The following PALD1 variants were observed in gnomAD, a reference collection of about 807,000 sequenced individuals.
PALD1 encodes the protein phosphatase domain containing paladin 1, also known as paladin.
PALD1 carries 57 observed loss-of-function variants against 96.0 expected under a neutral mutation model. The ratio of observed to expected loss-of-function variants is 0.59; its 90% confidence interval spans 0.48 to 0.74. The LOEUF is 0.74. PALD1 is among the 30% of genes least tolerant of loss of function. The probability of loss-of-function intolerance (pLI) is 0.00; values close to 1 mark genes in which losing one functional copy is unlikely to be tolerated. For missense variants in PALD1, 1,063 were observed against 1,143.7 expected, an observed-to-expected ratio of 0.93 and a Z score of 1.02; for synonymous variants, 464 against 473.6, an observed-to-expected ratio of 0.98 and a Z score of 0.26.
chr10:70,460,872 G>A, the PALD1 span, among the ~76,000 whole-genome samples: 9 of 152,140 alleles, frequency 5.9e-5, no homozygotes, highest in African/African-American at 7.2e-5. Context: ...CCTGGCCAAC[G>A]TGGAGAACCC....
At chr10:70,511,879 T>C (rs1398720787) in intron 1 of PALD1, among the ~76,000 whole-genome samples, 1 of 152,016 alleles carries the variant, frequency 6.6e-6, no homozygotes, top group Non-Finnish European at 1.5e-5. Context: ...ATACAAAAAT[T>C]AGCCGGGTGT....
In PALD1 at chr10:70,519,010, A is replaced by G. The variant is rs552247980; in HGVS notation, c.-29-6913A>G. Among the ~76,000 whole-genome samples, 6 of 152,340 alleles carry G rather than the reference A, an allele frequency of 3.9e-5. No individual in the cohort carries two copies. In the East Asian group the frequency reaches 7.7e-4, roughly 20 times the overall value. On this transcript the variant is annotated intron_variant, in intron 1 of 19. Transcript: ENST00000263563. ...CTGGAGAAAGGAGCCCTGAGTCCCA[A>G]TTCTGTCCTTGTGGCCACTTGCTGT...
chr10:70,475,697 T>A (rs773292640), upstream of PALD1, among the ~76,000 whole-genome samples: 2 of 152,156 alleles, frequency 1.3e-5, no homozygotes, highest in Non-Finnish European at 2.9e-5. Context: ...TTGGCTTGAG[T>A]GTTCCCTGGA....
intron 1 of PALD1, among the ~76,000 whole-genome samples, chr10:70,524,075 T>TG (rs1388660310): frequency 6.6e-6 from 1 of 152,084 alleles, no homozygotes; most frequent in Non-Finnish European, 1.5e-5. Context: ...ATGGGAGGGC[T>TG]GGGGGGAGTG....
intron 17 of PALD1, among the ~76,000 whole-genome samples, chr10:70,546,559 GT>G (rs1307505091): frequency 2.0e-5 from 3 of 152,198 alleles, no homozygotes; most frequent in Admixed American, 2.0e-4. Context: ...GAAAATCTGT[GT>G]AGTGTGCAAG....
At chr10:70,514,020 C>T (rs961884860) in intron 1 of PALD1, among the ~76,000 whole-genome samples, 3 of 152,234 alleles carry the variant, frequency 2.0e-5, no homozygotes, top group African/African-American at 7.2e-5. Flanking sequence ...GGGACTTCCC[C>T]ATCCCTCCAC....
At position 70,532,995 on chromosome 10, in the gene PALD1, G is replaced by T; in HGVS notation, c.795G>T (p.Arg265Ser). Reference sequence around the variant, plus strand: ...ATGGCTGCTCTCCCTCACCTGGCAGGTACCACCGCCTGCCCCTGCCCGAGC... The same window carrying T: ...ATGGCTGCTCTCCCTCACCTGGCAGTTACCACCGCCTGCCCCTGCCCGAGC... ...KRPLFLQPTY[R>S]YHRLPLPEQG... The change falls in exon 7 of 20, where the codon AGG (arginine) becomes AGT (serine). Residue 265 changes from arginine to serine, a missense_variant and splice_region_variant. Physicochemically the swap from Arg to Ser is moderately radical, Grantham distance 110. Transcript: ENST00000263563. 6.3e-7 allele frequency: 1 copy of T among 1,576,258 alleles called. No homozygotes were observed. Among genetic ancestry groups the T allele is most frequent in the East Asian group, 2.3e-5 (1 of 42,782 alleles).
intron 16 of PALD1, 59 bp downstream of exon 16, chr10:70,541,301 G>A (rs1316028673): frequency 4.5e-6 from 7 of 1,562,430 alleles, no homozygotes; most frequent in Non-Finnish European, 6.1e-6. Context: ...AGACACTCAG[G>A]TCCCAGGCAC....
intron 1 of PALD1, among the ~76,000 whole-genome samples, chr10:70,513,253 G>C (rs1318707385): frequency 6.6e-6 from 1 of 152,178 alleles, no homozygotes. Flanking sequence ...TCACCACTTT[G>C]GGAGGCCGAG....
Position 70,478,782 on chromosome 10 carries a change from G to C in PALD1, c.-307G>C, listed in dbSNP as rs1179621555. 1.3e-5 allele frequency: 2 copies of C among 151,560 alleles called. No individual in the cohort carries two copies. The highest frequency in any genetic ancestry group is 1.3e-4 in the Admixed American group (2 of 15,202). The allele number at this position is 151,560 out of a possible 1,614,324, so 9.4% of individuals were successfully genotyped here. ...TCCGCCCCTCGGCGTTGGGTAGCGG[G>C]GCGCTGGGGAGCAGCGCGGCGCGCA... On this transcript the variant is annotated 5_prime_UTR_variant, in exon 1 of 20. Coordinates refer to ENST00000263563, the MANE Select transcript of PALD1 (RefSeq NM_014431.3).
chr10:70,559,690 T>A (rs551552257), intron 18 of PALD1, among the ~76,000 whole-genome samples: 1 of 152,250 alleles, frequency 6.6e-6, no homozygotes, highest in Admixed American at 6.5e-5. Context: ...TCCCGGGTTC[T>A]GGCCTGTGTA....
intron 3 of PALD1, among the ~76,000 whole-genome samples, 153 bp downstream of exon 3, chr10:70,529,484 C>T (rs1051758452): frequency 1.3e-5 from 2 of 151,938 alleles, no homozygotes; most frequent in African/African-American, 2.4e-5. Context: ...GAGCTAGCAC[C>T]GTGATCCTCT....
Position 70,533,090 on chromosome 10 carries a change from G to C in PALD1, c.870+20G>C. The C allele has an allele frequency of 6.4e-7, 1 of 1,558,686 alleles. No homozygotes were observed. The highest frequency in any genetic ancestry group is 1.2e-5 in the South Asian group (1 of 84,810). On this transcript the variant is annotated intron_variant, in intron 7 of 19. Transcript: ENST00000263563. ...CTCCGGGTAACTGGGGCACGGGCGC[G>C]CATGGGGGAGGAGTCTTGAGAGTCG...
At chr10:70,490,442 C>T (rs1393372305) in intron 1 of PALD1, among the ~76,000 whole-genome samples, 4 of 152,172 alleles carry the variant, frequency 2.6e-5, no homozygotes, top group Non-Finnish European at 5.9e-5. Flanking sequence ...GTCTTCAACT[C>T]CTGAGCTCAG....
intron 1 of PALD1, among the ~76,000 whole-genome samples, chr10:70,508,784 CGTGTGTGTGTGTGTGT>C (rs111850326): frequency 1.5e-4 from 15 of 100,074 alleles, no homozygotes; most frequent in African/African-American, 5.0e-4. Context: ...CTCTGTATGG[CGTGTGTGTGTGTGTGT>C]GTGTGTGTGT....
chr10:70,484,258 C>T (rs977387587), intron 1 of PALD1, among the ~76,000 whole-genome samples: 5 of 152,128 alleles, frequency 3.3e-5, no homozygotes, highest in Admixed American at 6.6e-5. Context: ...CTGCCTTGGC[C>T]TCCCAAAGTG....
chr10:70,495,188 C>CCG (rs1846171059), intron 1 of PALD1, among the ~76,000 whole-genome samples: 1 of 152,256 alleles, frequency 6.6e-6, no homozygotes, highest in African/African-American at 2.4e-5. Context: ...TTCCTGTCTT[C>CCG]ATACGTCGGC....
chr10:70,470,003 A>G, the PALD1 span, among the ~76,000 whole-genome samples: 1 of 152,152 alleles, frequency 6.6e-6, no homozygotes, highest in Non-Finnish European at 1.5e-5. Context: ...CATGTTGTCC[A>G]GGCTGGTCTC....
intron 1 of PALD1, among the ~76,000 whole-genome samples, chr10:70,497,893 C>T (rs7086433): frequency 0.98 from 149,237 of 152,332 alleles, 73,182 homozygotes; most frequent in East Asian, 1. Flanking sequence ...CATTTTTTAA[C>T]GAGGCCTTAA....
Sources: gnomAD v4.1 joint callset for allele counts (sites outside exome capture counted in the v4.1 genomes callset) on GRCh38, gnomAD v4.1.1 for gene constraint, MANE v1.5 for transcripts, NCBI Gene and HGNC (gene_info 2026-07-23, HGNC 2026-07-21) for gene names.